Variants in COLEC12 observed in about 807,000 individuals in gnomAD.
COLEC12 encodes collectin subfamily member 12.
In COLEC12, 33 loss-of-function variants were observed where a neutral mutation model predicts 71.1. The observed-to-expected ratio is 0.46, with a 90% CI of 0.35 to 0.62. The LOEUF is 0.62. Ranked by LOEUF, COLEC12 falls within the 20% of genes least tolerant of loss-of-function variation. The pLI is 0.00. For missense variants in COLEC12, 765 were observed against 916.1 expected (o/e 0.84, Z 2.13); for synonymous variants, 350 against 353.0 (o/e 0.99, Z 0.10).
chr18:360,017 C>T (rs1184143429), intron 2 of COLEC12, among the ~76,000 whole-genome samples: 1 of 152,174 alleles, frequency 6.6e-6, no homozygotes, highest in African/African-American at 2.4e-5. Context: ...CAGCACATCC[C>T]TCTGGCTGTA....
At chr18:407,163 T>C (rs1359949431) in intron 2 of COLEC12, among the ~76,000 whole-genome samples, 1 of 152,240 alleles carries the variant, frequency 6.6e-6, no homozygotes, top group East Asian at 1.9e-4. Context: ...GAGATGTCCA[T>C]CTAAACCCCA....
At chr18:477,067 T>C (rs1917319677) in intron 2 of COLEC12, among the ~76,000 whole-genome samples, 1 of 152,142 alleles carries the variant, frequency 6.6e-6, no homozygotes, top group Non-Finnish European at 1.5e-5. Context: ...AAGCTTGGTA[T>C]ATGGAAAGAC....
chr18:459,166 T>C (rs1275704599), intron 2 of COLEC12, among the ~76,000 whole-genome samples: 1 of 152,210 alleles, frequency 6.6e-6, no homozygotes, highest in Non-Finnish European at 1.5e-5. Flanking sequence ...AGATAACTTT[T>C]ACTTGCTATC....
At chr18:482,940 T>C (rs1227164375) in intron 1 of COLEC12, among the ~76,000 whole-genome samples, 4 of 152,084 alleles carry the variant, frequency 2.6e-5, no homozygotes, top group Admixed American at 6.6e-5. Flanking sequence ...AAGAGAGGCA[T>C]ATAGGGGAAA....
At chr18:455,999 C>G (rs1188640052) in intron 2 of COLEC12, among the ~76,000 whole-genome samples, 1 of 152,168 alleles carries the variant, frequency 6.6e-6, no homozygotes, top group Non-Finnish European at 1.5e-5. Flanking sequence ...TTAAGTGTAT[C>G]AAGCACAACC....
At chr18:485,970 C>A (rs1460045592) in intron 1 of COLEC12, among the ~76,000 whole-genome samples, 2 of 152,184 alleles carry the variant, frequency 1.3e-5, no homozygotes, top group East Asian at 3.9e-4. Flanking sequence ...ATTTATGATG[C>A]ATGATAGGCA....
chr18:350,209 G>A (rs1021567564), intron 3 of COLEC12, among the ~76,000 whole-genome samples: 2 of 152,122 alleles, frequency 1.3e-5, no homozygotes, highest in East Asian at 1.9e-4. Flanking sequence ...TCATGGGGGC[G>A]GTTTCCCCCA....
rs559012899 is a variant in COLEC12 at position 368,886 on chromosome 18, C to T, written c.59-11364G>A. Among the ~76,000 whole-genome samples, 12 of 152,186 alleles carry T rather than the reference C, an allele frequency of 7.9e-5. 2 individuals carry two copies. The highest frequency in any genetic ancestry group is 2.9e-4 in the African/African-American group (12 of 41,534). ...GTCTCAAAAACAAAACAAAACAAAACACAAAAACAAAACAAAAAAAATTCA... is the reference window on the plus strand; with the variant it reads ...GTCTCAAAAACAAAACAAAACAAAATACAAAAACAAAACAAAAAAAATTCA... On this transcript the variant is annotated intron_variant, in intron 2 of 9. Transcript: ENST00000400256.
rs58274581 is a variant in COLEC12, at chr18:475,076, A to AAAAATAAAT, written c.58+5630_58+5631insATTTATTTT. On this transcript the variant is annotated intron_variant, in intron 2 of 9. Transcript: ENST00000400256. ...GCGACAAGAGCTAAACTCCGTCTCA[A>AAAAATAAAT]AAATAAATAAATAAATAAATTCAGA... Among the ~76,000 whole-genome samples, 2,643 of 151,402 alleles carry AAAAATAAAT rather than the reference A, an allele frequency of 0.017. 127 individuals carry two copies. In the East Asian group the frequency reaches 0.2, roughly 11 times the overall value.
In COLEC12 at chr18:500,633, G is replaced by C. The variant is rs1917806976; in HGVS notation, c.-119C>G. 2.4e-6 allele frequency: 2 copies of C among 827,182 alleles called. No homozygotes were observed. Among genetic ancestry groups the C allele is most frequent in the South Asian group, 5.8e-5 (1 of 17,284 alleles). The allele number at this position is 827,182 out of a possible 1,614,324, so 51.2% of individuals were successfully genotyped here. A position where few individuals can be genotyped will look rare whatever the true frequency, so the allele number is the denominator to read the frequency against. ...ATGGTAGCCGCGCCGCGCGCCGGCCGTCTGCGCCCCCGTCCTCCCTCGCCG... is the reference window on the plus strand; with the variant it reads ...ATGGTAGCCGCGCCGCGCGCCGGCCCTCTGCGCCCCCGTCCTCCCTCGCCG... On this transcript the variant is annotated 5_prime_UTR_variant, in exon 1 of 10. Transcript: ENST00000400256. The surrounding 1 kb of genome is among the most constrained non-coding windows in gnomAD (Gnocchi z 5.3).
At position 470,220 on chromosome 18, in the gene COLEC12, ATTTTTTTTTT is replaced by A. The variant is rs71174234; in HGVS notation, c.58+10477_58+10486del. 5.4e-5 allele frequency among the ~76,000 whole-genome samples: 5 copies of A among 92,382 alleles called. No homozygotes were observed. In the East Asian group the frequency reaches 1.2e-3, roughly 21 times the overall value. 60.6% of individuals were successfully genotyped at this position (92,382 alleles called of 152,430 possible). A position where few individuals can be genotyped will look rare whatever the true frequency, so the allele number is the denominator to read the frequency against. ...TAGGTGGATCACTTGAGGCCAGGAA[ATTTTTTTTTT>A]TTTTTTTTTTTTTTTTTTTGAGACG... is the stretch of plus-strand genomic sequence containing the variant. On this transcript the variant is annotated intron_variant, in intron 2 of 9. Transcript: ENST00000400256.
At chr18:378,187 G>A (rs769622605) in intron 2 of COLEC12, among the ~76,000 whole-genome samples, 4 of 152,080 alleles carry the variant, frequency 2.6e-5, no homozygotes, top group Non-Finnish European at 5.9e-5. Flanking sequence ...ACTTGTGGGT[G>A]GAATCTCCCG....
intron 9 of COLEC12, among the ~76,000 whole-genome samples, chr18:321,182 G>A (rs1913695524): frequency 6.6e-6 from 1 of 152,206 alleles, no homozygotes; most frequent in Non-Finnish European, 1.5e-5. Context: ...AGCCTCCTGA[G>A]TAGCTGGGAT....
At chr18:323,833 G>A (rs1428857697) in intron 8 of COLEC12, among the ~76,000 whole-genome samples, 1 of 152,138 alleles carries the variant, frequency 6.6e-6, no homozygotes, top group Non-Finnish European at 1.5e-5. Context: ...TAGAAGTCCT[G>A]CTTAATATTT....
chr18:370,969 C>T (rs964540594), intron 2 of COLEC12, among the ~76,000 whole-genome samples: 1 of 152,180 alleles, frequency 6.6e-6, no homozygotes, highest in African/African-American at 2.4e-5. Context: ...TTCAGTGATT[C>T]AGAAAATGTT....
At chr18:365,413 C>T (rs896883218) in intron 2 of COLEC12, among the ~76,000 whole-genome samples, 6 of 152,154 alleles carry the variant, frequency 3.9e-5, no homozygotes, top group African/African-American at 1.4e-4. Context: ...TTTATAATTT[C>T]AAAGCAAACT....
intron 2 of COLEC12, among the ~76,000 whole-genome samples, chr18:382,003 T>TA (rs34996444): frequency 0.35 from 52,755 of 151,590 alleles, 10,485 homozygotes; most frequent in East Asian, 0.62. Flanking sequence ...CTTACAGACT[T>TA]AAAAAAAAGA....
chr18:496,799 G>A lies in COLEC12; in HGVS notation c.7+3709C>T, dbSNP rs946739701. On this transcript the variant is annotated intron_variant, in intron 1 of 9. Transcript: ENST00000400256. ...CTGGTTTGGACCTCTGTGGTCCCGG[G>A]TGGTGGCAGCTGTTTTTGGTTGTCT... 3.3e-5 allele frequency among the ~76,000 whole-genome samples: 5 copies of A among 152,202 alleles called. No individual in the cohort carries two copies. The South Asian group carries it at 6.2e-4, about 19-fold the overall frequency.
In COLEC12 at chr18:368,701, A is replaced by C. The variant is rs984562345; in HGVS notation, c.59-11179T>G. On this transcript the variant is annotated intron_variant, in intron 2 of 9. Coordinates refer to ENST00000400256, the MANE Select transcript of COLEC12 (RefSeq NM_130386.3). The stretch of plus-strand genomic sequence containing the variant: ...AACATGGTGAAACCCCGTCTCCACT[A>C]AAAAATACAAAAAAATTAGCCGGGC... Among the ~76,000 whole-genome samples the C allele has an allele frequency of 6.4e-5, 8 of 125,080 alleles. No individual in the cohort carries two copies. In the South Asian group the frequency reaches 1.6e-3, roughly 24 times the overall value. The allele number at this position is 125,080 out of a possible 152,430, so 82.1% of individuals were successfully genotyped here. A position where few individuals can be genotyped will look rare whatever the true frequency, so the allele number is the denominator to read the frequency against.
Sources: allele counts gnomAD v4.1 joint callset (sites outside exome capture counted in the v4.1 genomes callset), GRCh38; gene constraint gnomAD v4.1.1; non-coding constraint Gnocchi (gnomAD v3.1); transcripts MANE v1.5; gene names NCBI Gene and HGNC (gene_info 2026-07-23, HGNC 2026-07-21).